The following PARM1 variants were observed in gnomAD, a reference collection of about 807,000 sequenced individuals.
PARM1 encodes the protein WSC4, cell wall integrity and stress response component 4 homolog.
In PARM1, 14 loss-of-function variants were observed where a neutral mutation model predicts 24.6. That is an observed-to-expected ratio of 0.57 (90% CI 0.38 to 0.89). PARM1 has a LOEUF of 0.89. Among genes scored for constraint, PARM1 ranks in the 40% least tolerant of loss-of-function variants. The probability of loss-of-function intolerance (pLI) is 0.00; values close to 1 mark genes in which losing one functional copy is unlikely to be tolerated. For synonymous variants in PARM1, 179 were observed against 156.6 expected, an observed-to-expected ratio of 1.14 and a Z score of -1.07; for missense variants, 362 against 380.4, an observed-to-expected ratio of 0.95 and a Z score of 0.40.
chr4:75,013,141 T>G lies in PARM1; in HGVS notation c.760T>G (p.Leu254Val). The G allele has an allele frequency of 6.2e-7, 1 of 1,612,004 alleles. No homozygotes were observed. Among genetic ancestry groups the G allele is most frequent in the Non-Finnish European group, 8.5e-7 (1 of 1,179,032 alleles). Residue 254 changes from leucine to valine, a missense_variant, in exon 2 of 4, where the codon TTA becomes GTA. By Grantham distance (32) the Leu-to-Val change is conservative. Transcript: ENST00000307428. The part of the protein sequence containing the change: ...RVIMQEVEHA[L>V]SSGSIAAITV... Reference sequence around the variant, plus strand: ...GATCATGCAGGAAGTAGAACATGCATTAAGTTCAGGTGAGTCTCTATCCAG... The same window carrying G: ...GATCATGCAGGAAGTAGAACATGCAGTAAGTTCAGGTGAGTCTCTATCCAG...
chr4:74,976,762 GCTGTTC>G (rs1722144300), intron 1 of PARM1, among the ~76,000 whole-genome samples: 4 of 152,240 alleles, frequency 2.6e-5, no homozygotes, highest in Non-Finnish European at 5.9e-5. Flanking sequence ...AGCCATGTTT[GCTGTTC>G]TGCAGTCTCC....
chr4:74,966,587 C>G (rs1032576368), intron 1 of PARM1, among the ~76,000 whole-genome samples: 2 of 152,150 alleles, frequency 1.3e-5, no homozygotes, highest in African/African-American at 4.8e-5. Flanking sequence ...ACTAGGCAAG[C>G]AACAGACAGG....
intron 1 of PARM1, among the ~76,000 whole-genome samples, chr4:74,976,757 T>A (rs1722144111): frequency 6.6e-6 from 1 of 152,198 alleles, no homozygotes; most frequent in Non-Finnish European, 1.5e-5. Flanking sequence ...CAACCAGCCA[T>A]GTTTGCTGTT....
At chr4:75,041,574 T>C (rs185605142) in intron 3 of PARM1, among the ~76,000 whole-genome samples, 15 of 152,322 alleles carry the variant, frequency 9.8e-5, no homozygotes, top group African/African-American at 3.6e-4. Context: ...ATGTTTTGTT[T>C]CAACGCAAGA....
rs1723617462 is a variant in PARM1, at chr4:75,047,066, T to C, written c.*819T>C. ...AGTTATAGAGAGAAAGGGAGAGGCA[T>C]GTACGGTGTGGGGAAGTGGAAGAGA... is the stretch of plus-strand genomic sequence containing the variant. On this transcript the variant is annotated 3_prime_UTR_variant, in exon 4 of 4. Coordinates refer to ENST00000307428, the MANE Select transcript of PARM1 (RefSeq NM_015393.4). The C allele has an allele frequency of 6.6e-6, 1 of 152,458 alleles. No individual in the cohort carries two copies. The highest frequency in any genetic ancestry group is 2.1e-4 in the South Asian group (1 of 4,806). The allele number at this position is 152,458 out of a possible 1,614,324, so 9.4% of individuals were successfully genotyped here. A position where few individuals can be genotyped will look rare whatever the true frequency, so the allele number is the denominator to read the frequency against.
intron 1 of PARM1, among the ~76,000 whole-genome samples, chr4:74,975,946 G>A (rs1220549020): frequency 6.6e-6 from 1 of 152,166 alleles, no homozygotes; most frequent in Non-Finnish European, 1.5e-5. Flanking sequence ...AACACCCAGA[G>A]AGTGAGAAAA....
At chr4:75,030,042 C>T (rs1273681302) in intron 2 of PARM1, among the ~76,000 whole-genome samples, 1 of 151,960 alleles carries the variant, frequency 6.6e-6, no homozygotes, top group Non-Finnish European at 1.5e-5. Context: ...ATAGAAATGA[C>T]CTAGGGAAGC....
chr4:74,958,337 C>G (rs1392527227), intron 1 of PARM1, among the ~76,000 whole-genome samples: 1 of 152,034 alleles, frequency 6.6e-6, no homozygotes, highest in Non-Finnish European at 1.5e-5. Context: ...TGGTGGGGGG[C>G]CATACATGTG....
At position 75,049,581 on chromosome 4, in the gene PARM1, A is replaced by G. The variant is rs2109822103; in HGVS notation, c.*3334A>G. 6.5e-6 allele frequency: 1 copy of G among 152,784 alleles called. No individual in the cohort carries two copies. The highest frequency in any genetic ancestry group is 1.5e-5 in the Non-Finnish European group (1 of 68,062). The allele number at this position is 152,784 out of a possible 1,614,324, so 9.5% of individuals were successfully genotyped here. On this transcript the variant is annotated 3_prime_UTR_variant, in exon 4 of 4. Coordinates refer to ENST00000307428, the MANE Select transcript of PARM1 (RefSeq NM_015393.4). ...CCATTTCTAGATGAAAGGATGGCCT[A>G]GGACATAGGTCTCAAAGACTCTTGG...
chr4:75,030,842 C>T (rs1335838729), intron 2 of PARM1, among the ~76,000 whole-genome samples: 2 of 152,228 alleles, frequency 1.3e-5, no homozygotes, highest in East Asian at 3.9e-4. Flanking sequence ...TCCCCTGCCC[C>T]CCAGCCACAC....
At chr4:75,040,431 C>A (rs926054602) in intron 3 of PARM1, among the ~76,000 whole-genome samples, 2 of 151,862 alleles carry the variant, frequency 1.3e-5, no homozygotes, top group African/African-American at 2.4e-5. Flanking sequence ...TAAAAGAAAC[C>A]CAGAGTCTGG....
In PARM1 at chr4:75,019,868, TG is replaced by T. The variant is rs1270075878; in HGVS notation, c.769+6720del. 1.0e-4 allele frequency among the ~76,000 whole-genome samples: 15 copies of T among 149,778 alleles called. 1 individual carries two copies. The highest frequency in any genetic ancestry group is 3.7e-4 in the African/African-American group (15 of 40,922). ...AATACAAAAAATTAGCCGGGCGCGG[TG>T]GCGGGCGCCTGTAGTCCCAGCTACT... On this transcript the variant is annotated intron_variant, in intron 2 of 3. Coordinates refer to ENST00000307428, the MANE Select transcript of PARM1 (RefSeq NM_015393.4).
intron 1 of PARM1, among the ~76,000 whole-genome samples, chr4:74,968,107 C>G (rs183601999): frequency 6.6e-6 from 1 of 152,252 alleles, no homozygotes; most frequent in African/African-American, 2.4e-5. Context: ...GACTTCATTT[C>G]TTTTCAACAG....
intron 1 of PARM1, among the ~76,000 whole-genome samples, chr4:74,959,281 A>G (rs1721713685): frequency 6.6e-6 from 1 of 152,360 alleles, no homozygotes; most frequent in East Asian, 1.9e-4. Flanking sequence ...TTTTACAAAT[A>G]TCTCTCAGAG....
At chr4:74,978,581 G>T (rs546701104) in intron 1 of PARM1, among the ~76,000 whole-genome samples, 2 of 152,176 alleles carry the variant, frequency 1.3e-5, no homozygotes, top group South Asian at 2.1e-4. Flanking sequence ...AGATATTCAG[G>T]ACTTGAACTC....
chr4:75,002,718 C>T (rs1722704356), intron 1 of PARM1, among the ~76,000 whole-genome samples: 1 of 152,120 alleles, frequency 6.6e-6, no homozygotes, highest in African/African-American at 2.4e-5. Context: ...AAAAGTGAGG[C>T]ATAGAGAAGG....
At chr4:75,002,115 A>G (rs969635697) in intron 1 of PARM1, among the ~76,000 whole-genome samples, 1 of 152,242 alleles carries the variant, frequency 6.6e-6, no homozygotes. Flanking sequence ...ACAAGGAGTC[A>G]TGGATGGTGC....
At chr4:74,934,546 G>C (rs6533488) in intron 1 of PARM1, among the ~76,000 whole-genome samples, 12,308 of 152,272 alleles carry the variant, frequency 0.081, 534 homozygotes, top group Non-Finnish European at 0.088. Context: ...TCTCTACTTA[G>C]TGAACGTCCG....
At chr4:75,024,144 C>T (rs1235411136) in intron 2 of PARM1, among the ~76,000 whole-genome samples, 2 of 151,968 alleles carry the variant, frequency 1.3e-5, no homozygotes, top group African/African-American at 4.8e-5. Flanking sequence ...TGGTAGCGGG[C>T]GCCTGTAGTC....
Sources: allele counts gnomAD v4.1 joint callset (sites outside exome capture counted in the v4.1 genomes callset), GRCh38; gene constraint gnomAD v4.1.1; transcripts MANE v1.5; gene names NCBI Gene and HGNC (gene_info 2026-07-23, HGNC 2026-07-21).